PPP2R5E: variants seen among roughly 807,000 people sequenced by gnomAD.
PPP2R5E encodes the protein serine/threonine-protein phosphatase 2A 56 kDa regulatory subunit epsilon isoform.
Under a neutral mutation model 65.3 loss-of-function variants are expected in PPP2R5E, and 4 were observed. That is an observed-to-expected ratio of 0.06 (90% CI 0.03 to 0.14). The LOEUF (loss-of-function observed/expected upper bound fraction) is 0.14, where lower values mean the gene tolerates loss of function less well. PPP2R5E is among the 10% of genes least tolerant of loss of function. The pLI is 1.00. For missense variants in PPP2R5E, 274 were observed against 556.1 expected, an observed-to-expected ratio of 0.49 and a Z score of 5.10; for synonymous variants, 183 against 187.4, an observed-to-expected ratio of 0.98 and a Z score of 0.19.
At chr14:63,541,391 A>G (rs962106628) in intron 1 of PPP2R5E, among the ~76,000 whole-genome samples, 2 of 152,162 alleles carry the variant, frequency 1.3e-5, no homozygotes. Flanking sequence ...TCAAATACCA[A>G]TTTTCATTCC....
rs143043003 is a variant in PPP2R5E at position 63,424,480 on chromosome 14, G to A, written c.355-2386C>T. The stretch of plus-strand genomic sequence containing the variant: ...AGAAGAGAAAGGGTCGGCCGGGCGC[G>A]GTGGCTCACGCCTGTAATCCCAGCA... On this transcript the variant is annotated intron_variant, in intron 3 of 13. Coordinates refer to ENST00000337537, the MANE Select transcript of PPP2R5E (RefSeq NM_006246.5). Among the ~76,000 whole-genome samples, 510 of 152,248 alleles carry A rather than the reference G, an allele frequency of 3.3e-3. 1 individual carries two copies. The highest frequency in any genetic ancestry group is 0.012 in the African/African-American group (483 of 41,552).
At chr14:63,515,556 A>G (rs899416826) in intron 2 of PPP2R5E, among the ~76,000 whole-genome samples, 3 of 151,208 alleles carry the variant, frequency 2.0e-5, no homozygotes, top group African/African-American at 7.3e-5. Flanking sequence ...TTTGAGTCAG[A>G]GTCTCACTCT....
chr14:63,386,254 A>G (rs1446579289), intron 11 of PPP2R5E, among the ~76,000 whole-genome samples: 1 of 152,170 alleles, frequency 6.6e-6, no homozygotes, highest in Non-Finnish European at 1.5e-5. Flanking sequence ...AACAATCATT[A>G]CTGCATGTTC....
chr14:63,462,075 T>TA (rs1889505378), intron 2 of PPP2R5E, among the ~76,000 whole-genome samples: 1 of 72,718 alleles, frequency 1.4e-5, no homozygotes, highest in Admixed American at 1.1e-4. Context: ...TCAACTGTAT[T>TA]TTTTTTTTTT....
intron 2 of PPP2R5E, among the ~76,000 whole-genome samples, chr14:63,495,747 G>A (rs1457078581): frequency 6.6e-6 from 1 of 151,696 alleles, no homozygotes; most frequent in Admixed American, 6.6e-5. Context: ...CTGGAGTGCA[G>A]TGGTGCAATC....
chr14:63,424,249 T>G (rs1367701191), intron 3 of PPP2R5E, among the ~76,000 whole-genome samples: 1 of 152,172 alleles, frequency 6.6e-6, no homozygotes, highest in Non-Finnish European at 1.5e-5. Flanking sequence ...AAAGTTTATT[T>G]CTTTACTTGC....
intron 5 of PPP2R5E, among the ~76,000 whole-genome samples, chr14:63,414,077 G>A (rs1886556442): frequency 6.6e-6 from 1 of 152,130 alleles, no homozygotes; most frequent in Non-Finnish European, 1.5e-5. Flanking sequence ...CAGCTCTCTG[G>A]AAGCTTGCCT....
intron 2 of PPP2R5E, among the ~76,000 whole-genome samples, chr14:63,455,220 C>G (rs1049045457): frequency 1.3e-5 from 2 of 152,188 alleles, no homozygotes; most frequent in Non-Finnish European, 2.9e-5. Flanking sequence ...CCACCAGGCT[C>G]CTCTCTACAA....
chr14:63,422,245 G>A (rs1350225543), intron 3 of PPP2R5E, 151 bp from the exon 4 acceptor site: 2 of 648,800 alleles, frequency 3.1e-6, no homozygotes, highest in Non-Finnish European at 5.4e-6. Context: ...AGGCTCTGAG[G>A]TGGGGACCAC....
intron 3 of PPP2R5E, among the ~76,000 whole-genome samples, chr14:63,434,884 C>T (rs1887878104): frequency 1.3e-5 from 2 of 152,194 alleles, no homozygotes; most frequent in South Asian, 4.2e-4. Context: ...GATGGTATTA[C>T]TTTTAATAGT....
intron 11 of PPP2R5E, among the ~76,000 whole-genome samples, chr14:63,388,264 C>T (rs1426512040): frequency 1.3e-5 from 2 of 152,014 alleles, no homozygotes; most frequent in Non-Finnish European, 2.9e-5. Context: ...CCTCAGCTTC[C>T]CGAGTAGTTG....
Position 63,462,325 on chromosome 14 carries a change from C to T in PPP2R5E, c.158-8440G>A, listed in dbSNP as rs113195002. Among the ~76,000 whole-genome samples the T allele has an allele frequency of 1.9e-3, 286 of 152,252 alleles. 2 individuals are homozygous for T. The highest frequency in any genetic ancestry group is 6.5e-3 in the African/African-American group (270 of 41,556). ...GACTTCATGATCCGCCCACCTCGGC[C>T]TCCCAAAGTGCTAGGATTACAGGTG... On this transcript the variant is annotated intron_variant, in intron 2 of 13. Transcript: ENST00000337537.
chr14:63,469,569 C>T (rs1027969801), intron 2 of PPP2R5E, among the ~76,000 whole-genome samples: 2 of 152,178 alleles, frequency 1.3e-5, no homozygotes, highest in Non-Finnish European at 2.9e-5. Flanking sequence ...TGGCGAGCGC[C>T]TGTAGTCCCA....
chr14:63,463,724 G>C (rs867260902), intron 2 of PPP2R5E, among the ~76,000 whole-genome samples: 28 of 151,486 alleles, frequency 1.8e-4, no homozygotes, highest in African/African-American at 6.6e-4. Flanking sequence ...AGCCTCCCGA[G>C]TAGCTGGGAA....
intron 3 of PPP2R5E, among the ~76,000 whole-genome samples, chr14:63,433,063 G>T: frequency 7.3e-6 from 1 of 137,640 alleles, no homozygotes; most frequent in Admixed American, 7.5e-5. Context: ...TTTGAGACAG[G>T]GTCTCACTGT....
At chr14:63,453,127 T>A (rs544828416) in intron 3 of PPP2R5E, 4 of 152,196 alleles carry the variant, frequency 2.6e-5, no homozygotes, top group Non-Finnish European at 5.9e-5. Context: ...GTTAATAATG[T>A]TTTTCCTCAT....
chr14:63,438,262 A>C (rs1239330018), intron 3 of PPP2R5E, among the ~76,000 whole-genome samples: 1 of 152,184 alleles, frequency 6.6e-6, no homozygotes, highest in Non-Finnish European at 1.5e-5. Context: ...AGCTTCCTCC[A>C]AACAATCAGC....
At chr14:63,393,091 T>C (rs1885116018) in intron 8 of PPP2R5E, among the ~76,000 whole-genome samples, 2 of 152,178 alleles carry the variant, frequency 1.3e-5, no homozygotes, top group African/African-American at 2.4e-5. Context: ...GTGAGTGACC[T>C]AGAACAGGAG....
At chr14:63,519,916 T>C (rs1892826653) in intron 2 of PPP2R5E, among the ~76,000 whole-genome samples, 1 of 151,922 alleles carries the variant, frequency 6.6e-6, no homozygotes, top group African/African-American at 2.4e-5. Context: ...CGCCTCGGCC[T>C]CCCAAAGTGC....
Sources: gnomAD v4.1 joint callset for allele counts (sites outside exome capture counted in the v4.1 genomes callset) on GRCh38, gnomAD v4.1.1 for gene constraint, MANE v1.5 for transcripts, NCBI Gene and HGNC (gene_info 2026-07-23, HGNC 2026-07-21) for gene names.